Variants in NRG1 observed in about 807,000 individuals in gnomAD.
NRG1 encodes neuregulin 1, also known as pro-neuregulin-1, membrane-bound isoform.
Under a neutral mutation model 63.8 loss-of-function variants are expected in NRG1, and 18 were observed. The observed-to-expected ratio is 0.28, with a 90% CI of 0.19 to 0.42. NRG1 has a LOEUF of 0.42. NRG1 is among the 10% of genes least tolerant of loss of function. NRG1 has a pLI of 1.00. For synonymous variants in NRG1, 302 were observed against 301.3 expected, an observed-to-expected ratio of 1.00 and a Z score of -0.02; for missense variants, 762 against 814.7, an observed-to-expected ratio of 0.94 and a Z score of 0.79.
At chr8:32,286,491 A>G (rs1331242629) in intron 1 of NRG1, among the ~76,000 whole-genome samples, 8 of 152,224 alleles carry the variant, frequency 5.3e-5, no homozygotes, top group African/African-American at 1.9e-4. Flanking sequence ...CTTGATCCCT[A>G]CAGTTATAGG....
intron 1 of NRG1, among the ~76,000 whole-genome samples, chr8:32,517,394 A>G (rs1377959013): frequency 6.6e-6 from 1 of 152,158 alleles, no homozygotes; most frequent in Non-Finnish European, 1.5e-5. Flanking sequence ...TATTCAGGAT[A>G]TACCTTCTAA....
chr8:32,292,094 A>T (rs1361539165), intron 1 of NRG1, among the ~76,000 whole-genome samples: 1 of 152,206 alleles, frequency 6.6e-6, no homozygotes, highest in African/African-American at 2.4e-5. Context: ...AGAAGACCAG[A>T]GTAGGAACAC....
intron 1 of NRG1, among the ~76,000 whole-genome samples, chr8:32,089,251 G>C (rs1461238741): frequency 6.6e-6 from 1 of 152,128 alleles, no homozygotes; most frequent in Non-Finnish European, 1.5e-5. Flanking sequence ...TTCATCTTGG[G>C]TGTGTGTTTT....
At chr8:31,860,464 G>A (rs1467696176) in intron 1 of NRG1, among the ~76,000 whole-genome samples, 1 of 152,170 alleles carries the variant, frequency 6.6e-6, no homozygotes, top group Admixed American at 6.5e-5. Context: ...AATGATTGAT[G>A]TGAATCAGGT....
chr8:32,336,474 C>A (rs1320715880), intron 1 of NRG1, among the ~76,000 whole-genome samples: 1 of 151,972 alleles, frequency 6.6e-6, no homozygotes, highest in Non-Finnish European at 1.5e-5. Flanking sequence ...GAAAAGTCCT[C>A]ATGGCAGGAA....
chr8:31,658,222 A>G (rs2130921263), intron 1 of NRG1, among the ~76,000 whole-genome samples: 1 of 152,344 alleles, frequency 6.6e-6, no homozygotes, highest in Admixed American at 6.5e-5. Flanking sequence ...TCCAGGAAGG[A>G]AAAGAGACAT....
intron 5 of NRG1, among the ~76,000 whole-genome samples, chr8:32,711,727 G>A (rs539791863): frequency 6.6e-6 from 1 of 152,038 alleles, no homozygotes; most frequent in Non-Finnish European, 1.5e-5. Flanking sequence ...CCTCCCTCGT[G>A]ACCTACCTTG....
chr8:32,412,259 T>C (rs1471754349), intron 1 of NRG1, among the ~76,000 whole-genome samples: 1 of 151,846 alleles, frequency 6.6e-6, no homozygotes, highest in Non-Finnish European at 1.5e-5. Context: ...TTGGCTCTCC[T>C]GGTTCTCAGG....
At chr8:32,580,788 ATAAG>A (rs1363499513) in intron 1 of NRG1, among the ~76,000 whole-genome samples, 2 of 152,212 alleles carry the variant, frequency 1.3e-5, no homozygotes, top group African/African-American at 4.8e-5. Flanking sequence ...TTTTTAATAA[ATAAG>A]TGTTTTAGTA....
intron 1 of NRG1, among the ~76,000 whole-genome samples, chr8:32,068,651 A>G (rs1386197748): frequency 6.6e-6 from 1 of 152,172 alleles, no homozygotes; most frequent in Non-Finnish European, 1.5e-5. Context: ...GGTAAAAGAA[A>G]AAGTCCTCTA....
intron 1 of NRG1, among the ~76,000 whole-genome samples, chr8:32,463,841 C>T (rs1399126537): frequency 7.5e-6 from 1 of 132,736 alleles, no homozygotes; most frequent in Non-Finnish European, 1.6e-5. Context: ...GCAAGACCAT[C>T]TTCACACACA....
At chr8:32,624,261 C>G (rs1037392644) in intron 5 of NRG1, among the ~76,000 whole-genome samples, 2 of 152,136 alleles carry the variant, frequency 1.3e-5, no homozygotes, top group African/African-American at 4.8e-5. Context: ...AATACTGCAT[C>G]CAGGGAGATT....
At chr8:32,069,733 G>A (rs901829051) in intron 1 of NRG1, among the ~76,000 whole-genome samples, 1 of 152,142 alleles carries the variant, frequency 6.6e-6, no homozygotes, top group Non-Finnish European at 1.5e-5. Context: ...ATGATAGAAA[G>A]CAAGGGTACC....
At chr8:31,684,735 C>T (rs1284213170) in intron 1 of NRG1, among the ~76,000 whole-genome samples, 1 of 151,796 alleles carries the variant, frequency 6.6e-6, no homozygotes, top group Non-Finnish European at 1.5e-5. Context: ...TTTTAGGTGG[C>T]ATAAATAAGA....
At chr8:32,496,360 T>C (rs1198771882) in intron 1 of NRG1, among the ~76,000 whole-genome samples, 1 of 152,136 alleles carries the variant, frequency 6.6e-6, no homozygotes, top group Non-Finnish European at 1.5e-5. Context: ...CGCAGGAACA[T>C]TGCTTTAGCC....
At chr8:31,917,545 G>A (rs1330941893) in intron 1 of NRG1, among the ~76,000 whole-genome samples, 2 of 151,784 alleles carry the variant, frequency 1.3e-5, no homozygotes, top group African/African-American at 4.8e-5. Flanking sequence ...TGAGGGCTCT[G>A]TTCTGTTCCA....
intron 1 of NRG1, among the ~76,000 whole-genome samples, chr8:32,344,898 T>A (rs764839484): frequency 6.6e-6 from 1 of 152,212 alleles, no homozygotes; most frequent in African/African-American, 2.4e-5. Context: ...TAAGACCTAC[T>A]GATCTAGAAG....
chr8:32,650,344 A>G (rs923888171), intron 5 of NRG1, among the ~76,000 whole-genome samples: 1 of 152,176 alleles, frequency 6.6e-6, no homozygotes, highest in Non-Finnish European at 1.5e-5. Flanking sequence ...TTTGAAGTGC[A>G]TCGGAGATAA....
chr8:31,899,335 T>C (rs1308913156), intron 1 of NRG1, among the ~76,000 whole-genome samples: 2 of 152,146 alleles, frequency 1.3e-5, no homozygotes, highest in Non-Finnish European at 2.9e-5. Context: ...ACTGCCCTTT[T>C]CAGCCTCTTG....
Sources: allele counts gnomAD v4.1 joint callset (sites outside exome capture counted in the v4.1 genomes callset), GRCh38; gene constraint gnomAD v4.1.1; transcripts MANE v1.5; gene names NCBI Gene and HGNC (gene_info 2026-07-23, HGNC 2026-07-21).